SPAG16: variants seen among roughly 807,000 people sequenced by gnomAD.
SPAG16 encodes sperm-associated antigen 16 protein.
Under a neutral mutation model 80.4 loss-of-function variants are expected in SPAG16, and 86 were observed. That is an observed-to-expected ratio of 1.07 (90% CI 0.90 to 1.28). SPAG16 has a LOEUF of 1.28. Ranked by LOEUF, SPAG16 falls within the 50% of genes most tolerant of loss-of-function variation. The pLI is 0.00. For synonymous variants in SPAG16, 294 were observed against 265.9 expected, an observed-to-expected ratio of 1.11 and a Z score of -1.03; for missense variants, 870 against 765.3, an observed-to-expected ratio of 1.14 and a Z score of -1.61.
intron 11 of SPAG16, among the ~76,000 whole-genome samples, chr2:213,880,878 G>C (rs995169248): frequency 6.6e-6 from 1 of 152,066 alleles, no homozygotes; most frequent in Non-Finnish European, 1.5e-5. Flanking sequence ...TACTGTAGCT[G>C]TTCAGTATAG....
At chr2:214,028,121 C>G (rs2048228191) in intron 13 of SPAG16, among the ~76,000 whole-genome samples, 1 of 151,890 alleles carries the variant, frequency 6.6e-6, no homozygotes. Flanking sequence ...GCCTAAATTA[C>G]TTTACTTGGG....
At chr2:213,430,699 A>G (rs1419290198) in intron 9 of SPAG16, among the ~76,000 whole-genome samples, 2 of 152,204 alleles carry the variant, frequency 1.3e-5, no homozygotes, top group African/African-American at 4.8e-5. Flanking sequence ...CTAGCAATAT[A>G]TTTAGAAATC....
rs769770526 is a variant in SPAG16, at chr2:213,760,760, G to C, written c.1071-101725G>C. Among the ~76,000 whole-genome samples, 146 of 152,198 alleles carry C rather than the reference G, an allele frequency of 9.6e-4. 3 individuals are homozygous for C. Among genetic ancestry groups the C allele is most frequent in the South Asian group, 1.0e-3 (5 of 4,816 alleles). On this transcript the variant is annotated intron_variant, in intron 10 of 15. Transcript: ENST00000331683. ...TGTTATAACAAAATGCCACACACTG[G>C]ATAATTTATATAAAAATGTTTTTTC...
intron 8 of SPAG16, 44 bp downstream of exon 8, chr2:213,364,189 T>A (rs1279826253): frequency 8.2e-7 from 1 of 1,219,260 alleles, no homozygotes. Flanking sequence ...TATAGTTTGG[T>A]GATTTCTCAA....
At chr2:214,165,357 C>T (rs900646077) in intron 15 of SPAG16, among the ~76,000 whole-genome samples, 3 of 151,604 alleles carry the variant, frequency 2.0e-5, no homozygotes, top group Admixed American at 6.6e-5. Context: ...TCTGCATACC[C>T]GTTTATAGGT....
At chr2:214,039,669 C>T (rs1277858356) in intron 13 of SPAG16, among the ~76,000 whole-genome samples, 1 of 152,226 alleles carries the variant, frequency 6.6e-6, no homozygotes, top group African/African-American at 2.4e-5. Context: ...TGATCCTTGA[C>T]TGACCACTTA....
At chr2:213,905,324 A>G (rs1055108360) in intron 11 of SPAG16, among the ~76,000 whole-genome samples, 1 of 152,238 alleles carries the variant, frequency 6.6e-6, no homozygotes, top group African/African-American at 2.4e-5. Flanking sequence ...CAGATATTTT[A>G]TACGTATAAT....
At chr2:213,549,796 A>T (rs2076729760) in intron 10 of SPAG16, among the ~76,000 whole-genome samples, 1 of 152,192 alleles carries the variant, frequency 6.6e-6, no homozygotes, top group Non-Finnish European at 1.5e-5. Flanking sequence ...TAAATATTTT[A>T]AAAAGGCATT....
chr2:213,329,479 T>C (rs1047937833), intron 5 of SPAG16, among the ~76,000 whole-genome samples: 4 of 152,154 alleles, frequency 2.6e-5, no homozygotes, highest in African/African-American at 7.2e-5. Context: ...GTCCTAGAGA[T>C]TTGTGGAACT....
intron 5 of SPAG16, among the ~76,000 whole-genome samples, chr2:213,322,313 C>T (rs1002566214): frequency 9.8e-5 from 10 of 102,348 alleles, no homozygotes; most frequent in African/African-American, 3.4e-4. Context: ...TTTATGTCTT[C>T]TTTCCATAGT....
intron 15 of SPAG16, among the ~76,000 whole-genome samples, chr2:214,281,815 T>A (rs1692962358): frequency 6.6e-6 from 1 of 152,190 alleles, no homozygotes; most frequent in South Asian, 2.1e-4. Context: ...AATTGTAGTA[T>A]GTCCATACAA....
At chr2:213,584,053 T>TAACTC (rs2060383612) in intron 10 of SPAG16, among the ~76,000 whole-genome samples, 1 of 152,238 alleles carries the variant, frequency 6.6e-6, no homozygotes, top group African/African-American at 2.4e-5. Context: ...GATTATAGTA[T>TAACTC]CTTTGAAACT....
At chr2:213,804,524 A>G (rs989956903) in intron 10 of SPAG16, among the ~76,000 whole-genome samples, 1 of 152,154 alleles carries the variant, frequency 6.6e-6, no homozygotes, top group Non-Finnish European at 1.5e-5. Context: ...TCTACTAAAA[A>G]TACAAAAAAT....
At chr2:213,868,349 GT>G (rs71945400) in intron 11 of SPAG16, among the ~76,000 whole-genome samples, 90,272 of 151,608 alleles carry the variant, frequency 0.6, 28,716 homozygotes, top group South Asian at 0.85. Flanking sequence ...TTTTTGATTT[GT>G]TTTTTTGCAC....
At position 213,816,787 on chromosome 2, in the gene SPAG16, C is replaced by T. The variant is rs111554256; in HGVS notation, c.1071-45698C>T. On this transcript the variant is annotated intron_variant, in intron 10 of 15. Transcript: ENST00000331683. ...GCTATGTTCATGGATTAAAAATATG[C>T]ATAATTTCATATTTTATTCCCCTTA... 2.7e-3 allele frequency among the ~76,000 whole-genome samples: 409 copies of T among 152,092 alleles called. 5 individuals are homozygous for T. Among genetic ancestry groups the T allele is most frequent in the African/African-American group, 9.5e-3 (393 of 41,508 alleles).
At chr2:213,450,387 A>G (rs776418641) in intron 9 of SPAG16, among the ~76,000 whole-genome samples, 64 of 152,320 alleles carry the variant, frequency 4.2e-4, no homozygotes, top group Non-Finnish European at 6.2e-4. Flanking sequence ...GTTGTAATCA[A>G]TGCCTAAGCT....
At chr2:213,360,800 A>G (rs2065938197) in intron 7 of SPAG16, among the ~76,000 whole-genome samples, 1 of 152,160 alleles carries the variant, frequency 6.6e-6, no homozygotes, top group African/African-American at 2.4e-5. Flanking sequence ...AAAATAGAAG[A>G]TAGGTTACTT....
intron 6 of SPAG16, among the ~76,000 whole-genome samples, chr2:213,346,806 A>G (rs937041154): frequency 3.3e-5 from 5 of 149,376 alleles, no homozygotes; most frequent in African/African-American, 9.9e-5. Context: ...GGATTTTTGC[A>G]TCGATGTTCA....
intron 9 of SPAG16, among the ~76,000 whole-genome samples, chr2:213,386,723 A>G (rs2067448324): frequency 2.6e-5 from 4 of 152,158 alleles, no homozygotes; most frequent in South Asian, 4.1e-4. Flanking sequence ...GGTTTAAACT[A>G]TTTTCTCTTG....
Sources: allele counts gnomAD v4.1 joint callset (sites outside exome capture counted in the v4.1 genomes callset), GRCh38; gene constraint gnomAD v4.1.1; transcripts MANE v1.5; gene names NCBI Gene and HGNC (gene_info 2026-07-23, HGNC 2026-07-21).